DST: variants seen among roughly 807,000 people sequenced by gnomAD.
DST encodes the protein bullous pemphigoid antigen.
Under a neutral mutation model 875.2 loss-of-function variants are expected in DST, and 253 were observed. The ratio of observed to expected loss-of-function variants is 0.29; its 90% confidence interval spans 0.26 to 0.32. The LOEUF is 0.32. Ranked by LOEUF, DST falls within the 10% of genes least tolerant of loss-of-function variation. The pLI is 1.00. For missense variants in DST, 8,287 were observed against 9,111.6 expected, an observed-to-expected ratio of 0.91 and a Z score of 3.68; for synonymous variants, 3,124 against 3,197.1, an observed-to-expected ratio of 0.98 and a Z score of 0.77.
intron 3 of DST, among the ~76,000 whole-genome samples, chr6:56,873,308 T>C (rs1778207719): frequency 6.6e-6 from 1 of 152,246 alleles, no homozygotes; most frequent in Non-Finnish European, 1.5e-5. Flanking sequence ...CTCTTCTCTT[T>C]GTTGATTGTT....
Position 56,466,213 on chromosome 6 carries a change from A to G in DST, c.22570-18T>C. 6.5e-7 allele frequency: 1 copy of G among 1,538,936 alleles called. No individual in the cohort carries two copies. The highest frequency in any genetic ancestry group is 1.4e-5 in the African/African-American group (1 of 72,846). The stretch of plus-strand genomic sequence containing the variant: ...TCTCCAAACTGTTCAGTGAAGAAAG[A>G]AAGAACCTCTAGTTGTCAATAATAA... On this transcript the variant is annotated intron_variant, in intron 98 of 103. Transcript: ENST00000680361.
chr6:56,675,649 C>T (rs1330882103), intron 9 of DST, among the ~76,000 whole-genome samples: 1 of 152,138 alleles, frequency 6.6e-6, no homozygotes, highest in African/African-American at 2.4e-5. Flanking sequence ...GTCAGGAGAT[C>T]GAGACCATTC....
chr6:56,633,283 G>A (rs2098797647), intron 27 of DST, among the ~76,000 whole-genome samples: 1 of 145,510 alleles, frequency 6.9e-6, no homozygotes, highest in Non-Finnish European at 1.5e-5. Context: ...CTGGAGTGCA[G>A]TGGCGGGATC....
At chr6:56,884,108 G>A (rs552215060) in intron 3 of DST, among the ~76,000 whole-genome samples, 7 of 151,766 alleles carry the variant, frequency 4.6e-5, no homozygotes, top group African/African-American at 1.7e-4. Flanking sequence ...TCGAGCCTGG[G>A]TGGCAGAGTG....
chr6:56,600,583 T>C (rs941495790), intron 44 of DST, among the ~76,000 whole-genome samples: 3 of 152,022 alleles, frequency 2.0e-5, no homozygotes, highest in African/African-American at 4.8e-5. Context: ...AAGTTAGTTG[T>C]GATTTGTAGG....
chr6:56,604,145 T>G lies in DST; in HGVS notation c.10483A>C (p.Lys3495Gln). ...LPLQLENIFY[K>Q]LLADGYSEKI... ...TCTGAATATCCATCAGCAAGCAGTT[T>G]GTAGAAAATATTTTCAAGCTGCAGT... The change falls in exon 40 of 104, where the codon AAA (lysine) becomes CAA (glutamine). Residue 3495 changes from lysine to glutamine, a missense_variant. This residue lies in a region of DST where 3,138 missense variants were observed against 3,116.6 expected (regional missense o/e 1.01). Transcript: ENST00000680361. The G allele has an allele frequency of 1.9e-6, 3 of 1,587,296 alleles. No individual in the cohort carries two copies. The highest frequency in any genetic ancestry group is 2.6e-6 in the Non-Finnish European group (3 of 1,164,764).
At chr6:56,497,536 G>A in intron 81 of DST, 29 bp from the exon 82 acceptor site, 1 of 1,607,330 alleles carries the variant, frequency 6.2e-7, no homozygotes, top group East Asian at 2.2e-5. Context: ...TTAAGTTGGG[G>A]CCATAAACAC....
intron 4 of DST, among the ~76,000 whole-genome samples, chr6:56,782,068 G>A (rs1269795924): frequency 1.3e-5 from 2 of 152,074 alleles, no homozygotes; most frequent in Non-Finnish European, 2.9e-5. Context: ...TCCCAGGGAT[G>A]AAACCCACTT....
chr6:56,849,609 A>G (rs1242912490), intron 4 of DST, among the ~76,000 whole-genome samples: 1 of 152,212 alleles, frequency 6.6e-6, no homozygotes, highest in Admixed American at 6.5e-5. Flanking sequence ...GCATCCCATT[A>G]GAACATAGAG....
At chr6:56,530,253 C>T in intron 64 of DST, 120 bp from the exon 65 acceptor site, 1 of 703,828 alleles carries the variant, frequency 1.4e-6, no homozygotes, top group Non-Finnish European at 2.1e-6. Context: ...TCTAAGGTTA[C>T]AATTTAAATC....
intron 72 of DST, among the ~76,000 whole-genome samples, chr6:56,513,191 T>C (rs4236140): frequency 0.71 from 107,190 of 151,536 alleles, 38,186 homozygotes; most frequent in Non-Finnish European, 0.75. Context: ...CTGTATAGCA[T>C]CACTATAAGG....
intron 4 of DST, among the ~76,000 whole-genome samples, chr6:56,812,531 T>C (rs1561964034): frequency 6.6e-6 from 1 of 152,174 alleles, no homozygotes; most frequent in Non-Finnish European, 1.5e-5. Flanking sequence ...AAATGAGAGA[T>C]CTAAACTAAG....
chr6:56,624,271 ACCATATTAGAGT>A, intron 36 of DST: 1 of 608,172 alleles, frequency 1.6e-6, no homozygotes, highest in East Asian at 2.7e-5. Flanking sequence ...CATTAACCCC[ACCATATTAGAGT>A]CCTGAAGTGA....
intron 61 of DST, chr6:56,542,742 G>T (rs1460822119): frequency 6.6e-6 from 1 of 152,424 alleles, no homozygotes; most frequent in Non-Finnish European, 1.5e-5. Flanking sequence ...GGGCAGCACG[G>T]TGCCGGGCAG....
Position 56,561,410 on chromosome 6 carries a change from C to A in DST, c.14208G>T (p.Met4736Ile). 6.2e-7 allele frequency: 1 copy of A among 1,613,888 alleles called. No homozygotes were observed. The highest frequency in any genetic ancestry group is 8.5e-7 in the Non-Finnish European group (1 of 1,179,818). ...LQKAQEESSA[M>I]MQWLQKMNKT... ...TGTTCATTTTCTGTAACCACTGCAT[C>A]ATTGCACTTGATTCTTCCTGAGCCT... The change falls in exon 57 of 104, where the codon ATG (methionine) becomes ATT (isoleucine). Residue 4736 changes from methionine to isoleucine, a missense_variant. By Grantham distance (10) the Met-to-Ile change is conservative. Coordinates refer to ENST00000680361, the MANE Select transcript of DST (RefSeq NM_001374736.1).
chr6:56,556,767 G>A (rs2097427336), intron 59 of DST, among the ~76,000 whole-genome samples: 1 of 151,860 alleles, frequency 6.6e-6, no homozygotes, highest in Non-Finnish European at 1.5e-5. Flanking sequence ...TTTTTCCCTT[G>A]TGGATTTATC....
rs1449211359 is a variant in DST at position 56,937,160 on chromosome 6, A to G, written c.216+16625T>C. Among the ~76,000 whole-genome samples, 3 of 152,258 alleles carry G rather than the reference A, an allele frequency of 2.0e-5. No individual in the cohort carries two copies. In the East Asian group the frequency reaches 5.8e-4, roughly 29 times the overall value. On this transcript the variant is annotated intron_variant, in intron 2 of 103. Transcript: ENST00000680361. The stretch of plus-strand genomic sequence containing the variant: ...TGACACCAAAGTATAATCCATAAAG[A>G]AAAATAATTGATAAATTGGACTTAT...
chr6:56,633,219 G>A (rs2098796523), intron 27 of DST, among the ~76,000 whole-genome samples, 182 bp from the exon 28 acceptor site: 1 of 147,212 alleles, frequency 6.8e-6, no homozygotes, highest in Non-Finnish European at 1.5e-5. Context: ...TTTGTTTTGA[G>A]ACGGAGTTTC....
intron 4 of DST, among the ~76,000 whole-genome samples, chr6:56,816,585 G>C (rs147867520): frequency 6.6e-6 from 1 of 152,100 alleles, no homozygotes; most frequent in Non-Finnish European, 1.5e-5. Context: ...GATTGTTCTC[G>C]TTGCTCATTA....
Sources: gnomAD v4.1 joint callset for allele counts (sites outside exome capture counted in the v4.1 genomes callset) on GRCh38, gnomAD v4.1.1 for gene constraint, gnomAD v4.1.1 regional missense constraint, MANE v1.5 for transcripts, NCBI Gene and HGNC (gene_info 2026-07-23, HGNC 2026-07-21) for gene names.